Variants in PPM1A observed in about 807,000 individuals in gnomAD.
PPM1A encodes the protein protein phosphatase, Mg2+/Mn2+ dependent 1A.
PPM1A carries 7 observed loss-of-function variants against 35.0 expected under a neutral mutation model. The observed-to-expected ratio is 0.20, with a 90% confidence interval of 0.11 to 0.38. The LOEUF (loss-of-function observed/expected upper bound fraction) is 0.38. PPM1A is among the 10% of genes least tolerant of loss of function. PPM1A has a pLI of 1.00. For missense variants in PPM1A, 239 were observed against 467.8 expected (o/e 0.51, Z 4.51); for synonymous variants, 153 against 167.3 (o/e 0.91, Z 0.66).
At chr14:60,245,939 C>T, upstream of PPM1A, 1 of 1,573,990 alleles carries the variant, frequency 6.4e-7, no homozygotes, top group Non-Finnish European at 8.6e-7. The surrounding 1 kb of genome is among the most constrained non-coding windows in gnomAD (Gnocchi z 4.2). Flanking sequence ...AAGAGAAGGG[C>T]AAAGAAGGCA....
At chr14:60,288,602 T>TA in intron 3 of PPM1A, 1 of 926,514 alleles carries the variant, frequency 1.1e-6, no homozygotes, top group Non-Finnish European at 1.3e-6. Context: ...TTTTTTTTTT[T>TA]AAGGCAAAAA....
At chr14:60,262,904 G>A (rs776872840) in intron 1 of PPM1A, among the ~76,000 whole-genome samples, 4 of 152,086 alleles carry the variant, frequency 2.6e-5, no homozygotes, top group Non-Finnish European at 4.4e-5. Flanking sequence ...TACTACCTTA[G>A]CCATGTTGCA....
At chr14:60,279,140 C>T (rs1435561683) in intron 1 of PPM1A, among the ~76,000 whole-genome samples, 4 of 152,154 alleles carry the variant, frequency 2.6e-5, no homozygotes, top group African/African-American at 9.7e-5. Context: ...TTTCTTGAGA[C>T]GTTGTTTCGC....
chr14:60,272,477 C>G (rs1374278828), intron 1 of PPM1A, among the ~76,000 whole-genome samples: 1 of 152,012 alleles, frequency 6.6e-6, no homozygotes, highest in African/African-American at 2.4e-5. Flanking sequence ...GAGGCCAAGG[C>G]AGGGGAATCA....
At chr14:60,284,360 T>G (rs999905853) in intron 2 of PPM1A, among the ~76,000 whole-genome samples, 2 of 152,104 alleles carry the variant, frequency 1.3e-5, no homozygotes, top group Non-Finnish European at 2.9e-5. Flanking sequence ...ATAAGACTGT[T>G]GCCGGGCGCG....
intron 1 of PPM1A, among the ~76,000 whole-genome samples, chr14:60,260,588 T>C (rs1314408098): frequency 2.0e-5 from 3 of 152,176 alleles, no homozygotes; most frequent in Non-Finnish European, 2.9e-5. Context: ...CAGTAGTCTT[T>C]AGTATATTCA....
intron 1 of PPM1A, among the ~76,000 whole-genome samples, chr14:60,261,394 T>A (rs1161992217): frequency 6.7e-6 from 1 of 148,424 alleles, no homozygotes; most frequent in Non-Finnish European, 1.5e-5. Context: ...TTGTCCTGAA[T>A]TTTGAATTTT....
chr14:60,282,727 A>C lies in PPM1A; in HGVS notation c.24A>C (p.Pro8=). The C allele has an allele frequency of 6.2e-7, 1 of 1,614,250 alleles. No individual in the cohort carries two copies. Among genetic ancestry groups the C allele is most frequent in the Non-Finnish European group, 8.5e-7 (1 of 1,180,042 alleles). Residue 8 remains proline, a synonymous_variant, in exon 2 of 6, where the codon CCA becomes CCC. Coordinates refer to ENST00000395076, the MANE Select transcript of PPM1A (RefSeq NM_021003.5). This position sits in a 1 kb window ranked among gnomAD's most constrained non-coding sequence, Gnocchi z 5.1. MGAFLDK[P]KMEKHNAQGQ... is the part of the protein sequence containing the mutation. ...TAATGGGAGCATTTTTAGACAAGCC[A>C]AAGATGGAAAAGCATAATGCCCAGG...
Position 60,270,990 on chromosome 14 carries a change from C to T in PPM1A, c.-20-11694C>T, listed in dbSNP as rs568872956. ...TGGCTTAAAACAATACAGATTTATT[C>T]TCACAGTTCTGGAGGCCACAAGTTC... On this transcript the variant is annotated intron_variant, in intron 1 of 5. Transcript: ENST00000395076. 2.0e-5 allele frequency among the ~76,000 whole-genome samples: 3 copies of T among 152,324 alleles called. No individual in the cohort carries two copies. The South Asian group carries it at 6.2e-4, about 32-fold the overall frequency.
chr14:60,286,314 T>A (rs1355489852), intron 3 of PPM1A: 9 of 985,656 alleles, frequency 9.1e-6, no homozygotes, highest in Non-Finnish European at 1.1e-5. Context: ...ACATAATATT[T>A]CTCCACCTGG....
At chr14:60,286,478 T>A (rs537488440) in intron 3 of PPM1A, 1 of 985,282 alleles carries the variant, frequency 1.0e-6, no homozygotes, top group African/African-American at 1.7e-5. Flanking sequence ...TGACATGACT[T>A]TAATAGTGTT....
chr14:60,286,784 T>C (rs1887060758), intron 3 of PPM1A: 1 of 982,480 alleles, frequency 1.0e-6, no homozygotes, highest in Non-Finnish European at 1.2e-6. Flanking sequence ...CTATTTTGTT[T>C]TTATTGCTGT....
intron 1 of PPM1A, among the ~76,000 whole-genome samples, chr14:60,258,738 A>T (rs1221476586): frequency 6.6e-6 from 1 of 152,110 alleles, no homozygotes; most frequent in African/African-American, 2.4e-5. Flanking sequence ...TCCTGCATAG[A>T]AGATAATCAG....
chr14:60,263,473 A>G (rs1884010589), intron 1 of PPM1A, among the ~76,000 whole-genome samples: 1 of 152,132 alleles, frequency 6.6e-6, no homozygotes, highest in Non-Finnish European at 1.5e-5. Context: ...CTTCATTTGT[A>G]TCTAATCTAT....
rs1023167872 is a variant in PPM1A, at chr14:60,284,553, A to T, written c.834+1016A>T. On this transcript the variant is annotated intron_variant, in intron 2 of 5. Transcript: ENST00000395076. ...GCTACGCGGGAGGCTGAGGCAGGAG[A>T]ATGGCGTGAACCCGGGAGGCGGAGC... is the stretch of plus-strand genomic sequence containing the variant. 1.0e-3 allele frequency among the ~76,000 whole-genome samples: 155 copies of T among 151,436 alleles called. 1 individual carries two copies. The highest frequency in any genetic ancestry group is 3.7e-3 in the African/African-American group (153 of 41,326).
intron 2 of PPM1A, among the ~76,000 whole-genome samples, chr14:60,284,204 G>A (rs1886697432): frequency 6.6e-6 from 1 of 152,222 alleles, no homozygotes; most frequent in African/African-American, 2.4e-5. Flanking sequence ...TTTTACAGAT[G>A]AGGAAGCTGA....
chr14:60,258,051 C>G (rs1883340654), intron 1 of PPM1A, among the ~76,000 whole-genome samples: 1 of 151,912 alleles, frequency 6.6e-6, no homozygotes, highest in Admixed American at 6.6e-5. Flanking sequence ...ACAGCTTACC[C>G]TTTGTTAGTC....
At chr14:60,278,636 T>TGG (rs1886041165) in intron 1 of PPM1A, among the ~76,000 whole-genome samples, 1 of 152,218 alleles carries the variant, frequency 6.6e-6, no homozygotes, top group Admixed American at 6.5e-5. Context: ...CTCCAAGTGC[T>TGG]GGGAAGACAC....
chr14:60,253,110 C>T (rs1882637775), intron 1 of PPM1A, among the ~76,000 whole-genome samples: 1 of 152,044 alleles, frequency 6.6e-6, no homozygotes, highest in Non-Finnish European at 1.5e-5. Context: ...TTTAAGCTTC[C>T]TTGAGTAAAT....
Sources: allele counts gnomAD v4.1 joint callset (sites outside exome capture counted in the v4.1 genomes callset), GRCh38; gene constraint gnomAD v4.1.1; non-coding constraint Gnocchi (gnomAD v3.1); transcripts MANE v1.5; gene names NCBI Gene and HGNC (gene_info 2026-07-23, HGNC 2026-07-21).